Variants in TET2 observed in about 807,000 individuals in gnomAD.
The protein encoded by TET2 is methylcytosine dioxygenase TET2.
In TET2, 299 loss-of-function variants were observed where a neutral mutation model predicts 142.9. That is an observed-to-expected ratio of 2.09 (90% CI 1.90 to 2.30). The LOEUF (loss-of-function observed/expected upper bound fraction) is 2.30, where lower values mean the gene tolerates loss of function less well. Among genes scored for constraint, TET2 ranks in the 30% most tolerant of loss-of-function variants. The pLI, the probability that TET2 is intolerant of heterozygous loss-of-function variation, is 0.00. For synonymous variants in TET2, 819 were observed against 849.0 expected (o/e 0.96, Z 0.61); for missense variants, 2,418 against 2,378.0 (o/e 1.02, Z -0.35).
Position 105,276,520 on chromosome 4 carries a change from T to A in TET2, c.*1T>A. On this transcript the variant is annotated 3_prime_UTR_variant, in exon 11 of 11. Transcript: ENST00000380013. ...AGGGCCTTACAACAGATATATATGATATCACCCCCTTTTGTTGGTTACCTC... is the reference window on the plus strand; with the variant it reads ...AGGGCCTTACAACAGATATATATGAAATCACCCCCTTTTGTTGGTTACCTC... 6.5e-7 allele frequency: 1 copy of A among 1,545,586 alleles called. No homozygotes were observed. Among genetic ancestry groups the A allele is most frequent in the Non-Finnish European group, 8.7e-7 (1 of 1,143,062 alleles).
Position 105,276,581 on chromosome 4 carries a change from A to G in TET2, c.*62A>G. The G allele has an allele frequency of 6.8e-7, 1 of 1,481,096 alleles. No individual in the cohort carries two copies. Among genetic ancestry groups the G allele is most frequent in the Non-Finnish European group, 9.0e-7 (1 of 1,108,286 alleles). 91.7% of individuals were successfully genotyped at this position (1,481,096 alleles called of 1,614,324 possible). ...ACCACAACCAACCTGTCAGTAGTATAGTTCTCATGACGTGGGCAGTGGGGA... is the reference window on the plus strand; with the variant it reads ...ACCACAACCAACCTGTCAGTAGTATGGTTCTCATGACGTGGGCAGTGGGGA... On this transcript the variant is annotated 3_prime_UTR_variant, in exon 11 of 11. Coordinates refer to ENST00000380013, the MANE Select transcript of TET2 (RefSeq NM_001127208.3).
At position 105,233,308 on chromosome 4, in the gene TET2, T is replaced by C. The variant is rs537798564; in HGVS notation, c.-46-589T>C. Among the ~76,000 whole-genome samples the C allele has an allele frequency of 7.8e-5, 11 of 141,860 alleles. No individual in the cohort carries two copies. The East Asian group carries it at 1.9e-3, about 24-fold the overall frequency. 93.1% of individuals were successfully genotyped at this position (141,860 alleles called of 152,430 possible). On this transcript the variant is annotated intron_variant, in intron 2 of 10. Coordinates refer to ENST00000380013, the MANE Select transcript of TET2 (RefSeq NM_001127208.3). Reference sequence around the variant, plus strand: ...CTGAGGCAGGAGAATTGCTTGAACCTGGGAGGCAGAGGTTGCAGTGAGCCA... The same window carrying C: ...CTGAGGCAGGAGAATTGCTTGAACCCGGGAGGCAGAGGTTGCAGTGAGCCA...
intron 1 of TET2, among the ~76,000 whole-genome samples, chr4:105,152,282 A>G (rs1174765089): frequency 6.6e-6 from 1 of 152,212 alleles, no homozygotes; most frequent in African/African-American, 2.4e-5. Context: ...CTCTGCCTCA[A>G]AAAAAGAAAA....
At chr4:105,178,293 A>G (rs1404700443) in intron 1 of TET2, among the ~76,000 whole-genome samples, 1 of 152,216 alleles carries the variant, frequency 6.6e-6, no homozygotes, top group Non-Finnish European at 1.5e-5. Context: ...ATAAAACGAC[A>G]TGGATGAAAC....
At position 105,235,535 on chromosome 4, in the gene TET2, G is replaced by GT; in HGVS notation, c.1595dup (p.Leu532PhefsTer35). 1 of 1,614,148 alleles carries GT rather than the reference G, an allele frequency of 6.2e-7. No individual in the cohort carries two copies. Among genetic ancestry groups the GT allele is most frequent in the African/African-American group, 1.3e-5 (1 of 75,054 alleles). On this transcript the variant is annotated frameshift_variant, in exon 3 of 11. Transcript: ENST00000380013. LOFTEE classifies it high-confidence loss of function. ...GAGAGCTACAGGACAACTGCCAGCAGTTGATGAGAAACAAAGAGCAAGAGA... is the reference window on the plus strand; with the variant it reads ...GAGAGCTACAGGACAACTGCCAGCAGTTTGATGAGAAACAAAGAGCAAGAGA...
intron 6 of TET2, among the ~76,000 whole-genome samples, chr4:105,252,868 T>G (rs1729939908): frequency 6.6e-6 from 1 of 152,182 alleles, no homozygotes; most frequent in Admixed American, 6.5e-5. Flanking sequence ...GTCCAGTTGT[T>G]CCCGTACCAT....
In TET2 at chr4:105,276,637, G is replaced by T; in HGVS notation, c.*118G>T. ...CACAGTATTCATGACAAATGTGGTGGGAAAAACCTCAGCTCACCAGCAACA... is the reference window on the plus strand; with the variant it reads ...CACAGTATTCATGACAAATGTGGTGTGAAAAACCTCAGCTCACCAGCAACA... On this transcript the variant is annotated 3_prime_UTR_variant, in exon 11 of 11. Transcript: ENST00000380013. 1 of 1,195,064 alleles carries T rather than the reference G, an allele frequency of 8.4e-7. No individual in the cohort carries two copies. The highest frequency in any genetic ancestry group is 2.9e-5 in the Admixed American group (1 of 34,112). 74.0% of individuals were successfully genotyped at this position (1,195,064 alleles called of 1,614,324 possible). A position where few individuals can be genotyped will look rare whatever the true frequency, so the allele number is the denominator to read the frequency against.
intron 2 of TET2, among the ~76,000 whole-genome samples, chr4:105,199,269 A>T (rs943502839): frequency 2.0e-5 from 3 of 152,178 alleles, no homozygotes; most frequent in Admixed American, 2.0e-4. Flanking sequence ...CTGCACATCT[A>T]TTAATACAGT....
chr4:105,227,073 T>C (rs1728236595), intron 2 of TET2, among the ~76,000 whole-genome samples: 1 of 152,180 alleles, frequency 6.6e-6, no homozygotes, highest in Non-Finnish European at 1.5e-5. Context: ...CAAGAGCACA[T>C]TGTGAAACTT....
Position 105,240,618 on chromosome 4 carries a change from A to C in TET2, c.3410-721A>C, listed in dbSNP as rs558931766. ...TTGCGTGTGGTTATTAAGTTGCCTC[A>C]CTGGGCTAAAACACCACACATCTCA... On this transcript the variant is annotated intron_variant, in intron 3 of 10. Transcript: ENST00000380013. The C allele has an allele frequency of 1.2e-5, 13 of 1,079,774 alleles. No homozygotes were observed. The South Asian group carries it at 5.5e-4, about 45-fold the overall frequency. The allele number at this position is 1,079,774 out of a possible 1,614,324, so 66.9% of individuals were successfully genotyped here.
chr4:105,241,213 GAAAA>G (rs555182059), intron 3 of TET2, 122 bp from the exon 4 acceptor site: 1 of 1,335,480 alleles, frequency 7.5e-7, no homozygotes, highest in Non-Finnish European at 9.7e-7. Context: ...TCATTTTAAA[GAAAA>G]AAAAATTTTA....
chr4:105,236,600 G>C lies in TET2; in HGVS notation c.2658G>C (p.Gln886His). The C allele has an allele frequency of 6.2e-7, 1 of 1,614,084 alleles. No individual in the cohort carries two copies. Among genetic ancestry groups the C allele is most frequent in the Non-Finnish European group, 8.5e-7 (1 of 1,180,008 alleles). Residue 886 changes from glutamine (Q) to histidine (H), a missense_variant, in exon 3 of 11, where the codon CAG (glutamine) becomes CAC (histidine). By Grantham distance (24) the Gln-to-His change is conservative. Coordinates refer to ENST00000380013, the MANE Select transcript of TET2 (RefSeq NM_001127208.3). ...TTCTTCACAGGTGCTTTCAAGAACA[G>C]GAGCAGAAGTCACAACAAGCTTCAG... ...QDLLHRCFQE[Q>H]EQKSQQASVL...
intron 2 of TET2, among the ~76,000 whole-genome samples, chr4:105,200,676 T>TG: frequency 6.6e-6 from 1 of 152,194 alleles, no homozygotes; most frequent in African/African-American, 2.4e-5. Flanking sequence ...TTTTTGTTTT[T>TG]TTGGAGATGG....
intron 8 of TET2, among the ~76,000 whole-genome samples, chr4:105,267,629 C>CA (rs1167877992): frequency 1.8e-4 from 26 of 143,176 alleles, no homozygotes; most frequent in African/African-American, 6.4e-4. Flanking sequence ...TATATAGGAC[C>CA]AAAAAAAGAT....
intron 6 of TET2, among the ~76,000 whole-genome samples, chr4:105,248,485 C>A (rs889709215): frequency 6.6e-6 from 1 of 152,034 alleles, no homozygotes; most frequent in Non-Finnish European, 1.5e-5. Flanking sequence ...AATATTTGCC[C>A]TTTATATCAT....
At chr4:105,251,539 C>T (rs1337541395) in intron 6 of TET2, among the ~76,000 whole-genome samples, 1 of 152,084 alleles carries the variant, frequency 6.6e-6, no homozygotes, top group Non-Finnish European at 1.5e-5. Flanking sequence ...TATATTGATT[C>T]ATTTTTATAC....
At chr4:105,182,077 C>T (rs773701886) in intron 1 of TET2, among the ~76,000 whole-genome samples, 27 of 152,038 alleles carry the variant, frequency 1.8e-4, no homozygotes, top group Non-Finnish European at 2.2e-4. Flanking sequence ...TTTTCCCTAT[C>T]ATTTGTTCTC....
intron 4 of TET2, chr4:105,242,122 A>C (rs1729337694): frequency 8.5e-7 from 1 of 1,172,254 alleles, no homozygotes; most frequent in African/African-American, 1.6e-5. Context: ...TTATTAAAGT[A>C]CTTAGGATAC....
chr4:105,159,894 C>G (rs928404653), intron 1 of TET2, among the ~76,000 whole-genome samples: 2 of 152,080 alleles, frequency 1.3e-5, no homozygotes, highest in Non-Finnish European at 2.9e-5. Flanking sequence ...ATCCCAGCTA[C>G]TTGGGAGACT....
Sources: allele counts gnomAD v4.1 joint callset (sites outside exome capture counted in the v4.1 genomes callset), GRCh38; gene constraint gnomAD v4.1.1; transcripts MANE v1.5; gene names NCBI Gene and HGNC (gene_info 2026-07-23, HGNC 2026-07-21).